Variants in C9orf72 observed in about 807,000 individuals in gnomAD.
The protein encoded by C9orf72 is C9orf72-SMCR8 complex subunit.
In C9orf72, 44 loss-of-function variants were observed where a neutral mutation model predicts 51.6. That is an observed-to-expected ratio of 0.85 (90% confidence interval 0.67 to 1.10). The LOEUF (loss-of-function observed/expected upper bound fraction) is 1.10. C9orf72 is among the 50% of genes least tolerant of loss of function. The pLI, the probability that C9orf72 is intolerant of heterozygous loss-of-function variation, is 0.00. For missense variants in C9orf72, 607 were observed against 570.6 expected (o/e 1.06, Z -0.65); for synonymous variants, 213 against 194.2 (o/e 1.10, Z -0.81).
chr9:27,562,991 C>A (rs987915181), intron 3 of C9orf72, among the ~76,000 whole-genome samples: 9 of 152,046 alleles, frequency 5.9e-5, no homozygotes, highest in African/African-American at 2.2e-4. Context: ...ATTAAGTCAT[C>A]ATGCCTCTTT....
At position 27,567,141 on chromosome 9, in the gene C9orf72, A is replaced by G. The variant is rs2131545732; in HGVS notation, c.-21T>C. 6.3e-7 allele frequency: 1 copy of G among 1,596,840 alleles called. No individual in the cohort carries two copies. The highest frequency in any genetic ancestry group is 1.3e-5 in the African/African-American group (1 of 74,704). On this transcript the variant is annotated 5_prime_UTR_variant, in exon 2 of 11. The change abolishes an upstream ATG in the 5' untranslated region. Transcript: ENST00000380003. ...GACATCACTGCATTCCAACTGTCACATTATCCAAATGCTCCGGAGATATCT... is the reference window on the plus strand; with the variant it reads ...GACATCACTGCATTCCAACTGTCACGTTATCCAAATGCTCCGGAGATATCT...
intron 9 of C9orf72, among the ~76,000 whole-genome samples, chr9:27,550,303 T>C (rs1204321813): frequency 1.3e-5 from 2 of 151,762 alleles, no homozygotes; most frequent in Non-Finnish European, 2.9e-5. Context: ...CTTTGATACA[T>C]GTAAACCAGG....
chr9:27,560,226 C>T lies in C9orf72; in HGVS notation c.738+1G>A. ...ATTTGCTAGATTATAAAATAAACTA[C>T]CTTATTTACTTTCTCTGCACTGCTA... On this transcript the variant is annotated splice_donor_variant, in intron 6 of 10. Transcript: ENST00000380003. LOFTEE classifies it high-confidence loss of function. 1 of 1,590,810 alleles carries T rather than the reference C, an allele frequency of 6.3e-7. No homozygotes were observed. Among genetic ancestry groups the T allele is most frequent in the Non-Finnish European group, 8.6e-7 (1 of 1,164,138 alleles).
At chr9:27,554,633 A>T (rs933880889) in intron 8 of C9orf72, 1 of 398,510 alleles carries the variant, frequency 2.5e-6, no homozygotes, top group Non-Finnish European at 4.4e-6. Flanking sequence ...AACCTAAAAT[A>T]AAAGTCAAAA....
chr9:27,568,457 C>G (rs1232111592), intron 1 of C9orf72, among the ~76,000 whole-genome samples: 1 of 152,180 alleles, frequency 6.6e-6, no homozygotes, highest in African/African-American at 2.4e-5. Context: ...AGACAGAACC[C>G]AGGGCTCTTG....
intron 4 of C9orf72, 43 bp downstream of exon 4, chr9:27,562,338 C>CA (rs772907490): frequency 4.0e-6 from 4 of 993,550 alleles, no homozygotes; most frequent in Admixed American, 2.5e-5. Flanking sequence ...ACTATAACCC[C>CA]AAAAAACTCA....
intron 1 of C9orf72, among the ~76,000 whole-genome samples, chr9:27,568,977 G>A (rs187001148): frequency 5.9e-5 from 9 of 152,070 alleles, no homozygotes; most frequent in Admixed American, 2.0e-4. Flanking sequence ...AAGATGTGGA[G>A]GTGGAAGGCA....
At position 27,548,188 on chromosome 9, in the gene C9orf72, T is replaced by C; in HGVS notation, c.*48A>G. On this transcript the variant is annotated 3_prime_UTR_variant, in exon 11 of 11. Transcript: ENST00000380003. ...CGTTTCCCCACACCACTGAGCTACT[T>C]TACCAGCGATCATGATTGTGATGGA... is the stretch of plus-strand genomic sequence containing the variant. 4.1e-6 allele frequency: 6 copies of C among 1,455,932 alleles called. No individual in the cohort carries two copies. Among genetic ancestry groups the C allele is most frequent in the Non-Finnish European group, 5.7e-6 (6 of 1,059,596 alleles). 90.2% of individuals were successfully genotyped at this position (1,455,932 alleles called of 1,614,324 possible). A position where few individuals can be genotyped will look rare whatever the true frequency, so the allele number is the denominator to read the frequency against.
chr9:27,565,566 T>C lies in C9orf72; in HGVS notation c.469A>G (p.Ile157Val). 2 of 1,606,378 alleles carry C rather than the reference T, an allele frequency of 1.2e-6. No homozygotes were observed. The highest frequency in any genetic ancestry group is 1.7e-6 in the Non-Finnish European group (2 of 1,175,530). ...HKERQENVQK[I>V]ILEGTERMED... The stretch of plus-strand genomic sequence containing the variant: ...ATTCTCTCTGTGCCTTCTAAGATAA[T>C]CTTCTGGACATTTTCTTGTCTTTCC... The change falls in exon 3 of 11, where the codon ATT becomes GTT. Residue 157 changes from isoleucine (I) to valine (V), a missense_variant. Physicochemically the swap from Ile to Val is conservative, Grantham distance 29. Transcript: ENST00000380003.
chr9:27,555,944 T>G (rs1821001831), intron 8 of C9orf72, among the ~76,000 whole-genome samples: 1 of 152,014 alleles, frequency 6.6e-6, no homozygotes, highest in African/African-American at 2.4e-5. Context: ...TTACTTAGGG[T>G]TTTAGGATTA....
chr9:27,555,046 A>G (rs1820981614), intron 8 of C9orf72, among the ~76,000 whole-genome samples: 1 of 152,306 alleles, frequency 6.6e-6, no homozygotes, highest in Admixed American at 6.5e-5. Flanking sequence ...GCAGTTCACT[A>G]AATTTCCTCA....
At chr9:27,572,537 T>C (rs1328152964) in intron 1 of C9orf72, among the ~76,000 whole-genome samples, 2 of 152,006 alleles carry the variant, frequency 1.3e-5, no homozygotes, top group African/African-American at 4.8e-5. Flanking sequence ...TGTGAACAAC[T>C]GGTGCATGGC....
At chr9:27,560,426 T>C in intron 5 of C9orf72, 127 bp from the exon 6 acceptor site, 1 of 690,730 alleles carries the variant, frequency 1.4e-6, no homozygotes, top group South Asian at 2.3e-5. Context: ...ACCGAAGCTA[T>C]AAGCACAATG....
intron 1 of C9orf72, among the ~76,000 whole-genome samples, chr9:27,573,139 G>C (rs929998743): frequency 6.6e-6 from 1 of 152,160 alleles, no homozygotes; most frequent in Non-Finnish European, 1.5e-5. Flanking sequence ...CGGGTCCCCG[G>C]GAAGGAGACA....
intron 8 of C9orf72, among the ~76,000 whole-genome samples, chr9:27,551,788 A>C (rs1288033367): frequency 6.6e-6 from 1 of 152,220 alleles, no homozygotes; most frequent in Non-Finnish European, 1.5e-5. Flanking sequence ...CTTCATCATA[A>C]GTGAATTAGA....
chr9:27,556,853 T>C (rs183067766), intron 7 of C9orf72, 57 bp from the exon 8 acceptor site: 3 of 1,158,314 alleles, frequency 2.6e-6, no homozygotes, highest in African/African-American at 1.5e-5. Context: ...TGAATAATTG[T>C]TTTTTAATTT....
intron 8 of C9orf72, among the ~76,000 whole-genome samples, chr9:27,553,873 C>T (rs1474637954): frequency 1.3e-5 from 2 of 152,062 alleles, no homozygotes; most frequent in African/African-American, 2.4e-5. Context: ...CACCCCACTA[C>T]AAACTGGGCA....
chr9:27,556,658 T>C lies in C9orf72; in HGVS notation c.994A>G (p.Met332Val), dbSNP rs146043466. The change falls in exon 8 of 11, where the codon ATG becomes GTG. Residue 332 changes from methionine to valine, a missense_variant. Physicochemically the swap from Met to Val is conservative, Grantham distance 21 (BLOSUM62 1). Coordinates refer to ENST00000380003, the MANE Select transcript of C9orf72 (RefSeq NM_018325.5). ...CAGAAGGCTGTCAGCTCGGATCTCA[T>C]GTATCTACGCTGATTATAAATATGT... ...HEHIYNQRRY[M>V]RSELTAFWRA... The C allele has an allele frequency of 3.0e-5, 48 of 1,613,946 alleles. No individual in the cohort carries two copies. Among genetic ancestry groups the C allele is most frequent in the Non-Finnish European group, 4.0e-5 (47 of 1,179,846 alleles).
chr9:27,567,573 G>A (rs1166983579), intron 1 of C9orf72, among the ~76,000 whole-genome samples: 11 of 152,162 alleles, frequency 7.2e-5, no homozygotes, highest in Non-Finnish European at 1.2e-4. Context: ...GAGAAAAACA[G>A]GAAGGGAAAG....
Sources: allele counts gnomAD v4.1 joint callset (sites outside exome capture counted in the v4.1 genomes callset), GRCh38; gene constraint gnomAD v4.1.1; transcripts MANE v1.5; gene names NCBI Gene and HGNC (gene_info 2026-07-23, HGNC 2026-07-21).